Variants in ASTN1 observed in about 807,000 individuals in gnomAD.
The protein encoded by ASTN1 is astrotactin 1, also known as astrotactin-1.
A neutral mutation model predicts 140.7 loss-of-function variants in ASTN1; 41 were observed. The ratio of observed to expected loss-of-function variants is 0.29; its 90% confidence interval spans 0.23 to 0.38. The LOEUF is 0.38. Ranked by LOEUF, ASTN1 falls within the 10% of genes least tolerant of loss-of-function variation. ASTN1 has a pLI of 1.00. For synonymous variants in ASTN1, 640 were observed against 652.2 expected (o/e 0.98, Z 0.29); for missense variants, 1,479 against 1,678.8 (o/e 0.88, Z 2.08).
At chr1:176,942,866 A>AT (rs1385017638) in intron 14 of ASTN1, among the ~76,000 whole-genome samples, 30 of 69,874 alleles carry the variant, frequency 4.3e-4, no homozygotes, top group South Asian at 6.1e-4. Flanking sequence ...ATATATATAT[A>AT]GATTGATGTC....
At chr1:177,046,455 C>T (rs1677228981) in intron 2 of ASTN1, among the ~76,000 whole-genome samples, 1 of 152,138 alleles carries the variant, frequency 6.6e-6, no homozygotes, top group Admixed American at 6.5e-5. Context: ...CCACTGAGGA[C>T]AGGAAAATGA....
chr1:177,130,601 G>A (rs1478470935), intron 1 of ASTN1, among the ~76,000 whole-genome samples: 1 of 152,134 alleles, frequency 6.6e-6, no homozygotes, highest in Non-Finnish European at 1.5e-5. Flanking sequence ...TCCCTGAGCT[G>A]TAATCTGGTT....
intron 8 of ASTN1, among the ~76,000 whole-genome samples, chr1:176,978,552 T>G (rs1673467470): frequency 6.6e-6 from 1 of 152,212 alleles, no homozygotes. Flanking sequence ...CTCAGAGTTT[T>G]GAGCTAGAAG....
At chr1:176,983,719 ACTCATCAG>A (rs1673743513) in intron 8 of ASTN1, among the ~76,000 whole-genome samples, 1 of 151,932 alleles carries the variant, frequency 6.6e-6, no homozygotes. Context: ...AAGGCAACTC[ACTCATCAG>A]CTCAAAATGT....
chr1:176,977,964 A>T (rs1417436002), intron 8 of ASTN1, among the ~76,000 whole-genome samples: 3 of 152,282 alleles, frequency 2.0e-5, no homozygotes, highest in South Asian at 4.1e-4. Flanking sequence ...GTGAAATGGG[A>T]GTGAGTGGGT....
intron 1 of ASTN1, among the ~76,000 whole-genome samples, chr1:177,150,560 A>G (rs1043859736): frequency 6.6e-6 from 1 of 152,166 alleles, no homozygotes; most frequent in Non-Finnish European, 1.5e-5. Context: ...TGAAACTGTG[A>G]ATTTCCAAGG....
chr1:177,034,130 C>T (rs993368538), intron 2 of ASTN1, among the ~76,000 whole-genome samples: 5 of 152,048 alleles, frequency 3.3e-5, no homozygotes, highest in Admixed American at 2.0e-4. Context: ...CCTCCAAATA[C>T]ATTAAAGGGG....
intron 8 of ASTN1, among the ~76,000 whole-genome samples, chr1:177,002,902 C>A (rs1674802686): frequency 6.6e-6 from 1 of 151,778 alleles, no homozygotes; most frequent in South Asian, 2.1e-4. Context: ...CATACAACTC[C>A]TTTAGCTTGA....
At chr1:177,103,011 C>T (rs1287538752) in intron 1 of ASTN1, among the ~76,000 whole-genome samples, 1 of 152,168 alleles carries the variant, frequency 6.6e-6, no homozygotes, top group Non-Finnish European at 1.5e-5. Flanking sequence ...CCTCAGTTTT[C>T]CCATACTGCA....
intron 8 of ASTN1, among the ~76,000 whole-genome samples, chr1:176,971,733 C>T (rs1424469241): frequency 6.6e-6 from 1 of 152,126 alleles, no homozygotes; most frequent in African/African-American, 2.4e-5. Context: ...GACTACTATA[C>T]CCACAGTGCG....
intron 2 of ASTN1, among the ~76,000 whole-genome samples, chr1:177,047,174 C>T (rs1439765833): frequency 6.6e-6 from 1 of 152,194 alleles, no homozygotes; most frequent in African/African-American, 2.4e-5. Flanking sequence ...GAAACTTCTT[C>T]ACCCAGCCCA....
intron 8 of ASTN1, among the ~76,000 whole-genome samples, chr1:176,980,677 G>C (rs1040879149): frequency 2.0e-5 from 3 of 152,080 alleles, no homozygotes; most frequent in African/African-American, 7.2e-5. Context: ...AGGAGTTTTG[G>C]GTGGGATGGA....
intron 17 of ASTN1, among the ~76,000 whole-genome samples, chr1:176,888,728 A>G (rs753783768): frequency 6.6e-6 from 1 of 152,152 alleles, no homozygotes; most frequent in Non-Finnish European, 1.5e-5. Context: ...GGCATTAGGC[A>G]TTTCTTTCTT....
At chr1:177,003,766 T>G (rs2101918430) in intron 8 of ASTN1, among the ~76,000 whole-genome samples, 1 of 151,320 alleles carries the variant, frequency 6.6e-6, no homozygotes, top group East Asian at 1.9e-4. Flanking sequence ...GAGCCAAGAT[T>G]GCCCCACTGC....
At chr1:177,019,385 A>G (rs574388478) in intron 7 of ASTN1, among the ~76,000 whole-genome samples, 2 of 152,202 alleles carry the variant, frequency 1.3e-5, no homozygotes, top group African/African-American at 2.4e-5. Context: ...CTGACCTGGA[A>G]GGGCACACAG....
intron 8 of ASTN1, among the ~76,000 whole-genome samples, chr1:176,992,298 A>C (rs2101898900): frequency 6.6e-6 from 1 of 152,204 alleles, no homozygotes; most frequent in East Asian, 1.9e-4. Flanking sequence ...GGACCTAAAT[A>C]AATAAATTGA....
At chr1:177,144,381 T>C (rs1682620961) in intron 1 of ASTN1, among the ~76,000 whole-genome samples, 1 of 151,480 alleles carries the variant, frequency 6.6e-6, no homozygotes, top group African/African-American at 2.4e-5. Context: ...GCCTCCTGAG[T>C]AGCTGGGACT....
rs373406992 is a variant in ASTN1, at chr1:176,988,015, G to A, written c.1524-22778C>T. On this transcript the variant is annotated intron_variant, in intron 8 of 22. Transcript: ENST00000361833. ...GTGGCTATTGATGCTATTTATACAGGTCAAGAATGATGGGAGTTAGAGCAG... is the reference window on the plus strand; with the variant it reads ...GTGGCTATTGATGCTATTTATACAGATCAAGAATGATGGGAGTTAGAGCAG... Among the ~76,000 whole-genome samples, 4 of 152,286 alleles carry A rather than the reference G, an allele frequency of 2.6e-5. No individual in the cohort carries two copies. In the East Asian group the frequency reaches 7.7e-4, roughly 29 times the overall value.
intron 21 of ASTN1, among the ~76,000 whole-genome samples, chr1:176,875,932 G>A (rs1334378309): frequency 6.6e-6 from 1 of 152,184 alleles, no homozygotes; most frequent in East Asian, 1.9e-4. Flanking sequence ...TTGTCATGAG[G>A]AAAAGGTAAG....
Sources: gnomAD v4.1 joint callset for allele counts (sites outside exome capture counted in the v4.1 genomes callset) on GRCh38, gnomAD v4.1.1 for gene constraint, MANE v1.5 for transcripts, NCBI Gene and HGNC (gene_info 2026-07-23, HGNC 2026-07-21) for gene names.